Variants in PTPRK observed in about 807,000 individuals in gnomAD.
PTPRK encodes protein tyrosine phosphatase receptor type K, also known as receptor-type tyrosine-protein phosphatase kappa.
In PTPRK, 75 loss-of-function variants were observed where a neutral mutation model predicts 178.0. The observed-to-expected ratio is 0.42, with a 90% CI of 0.35 to 0.51. The LOEUF (loss-of-function observed/expected upper bound fraction) is 0.51, where lower values mean the gene tolerates loss of function less well. Among genes scored for constraint, PTPRK ranks in the 20% least tolerant of loss-of-function variants. PTPRK has a pLI of 0.02. For missense variants in PTPRK, 1,441 were observed against 1,797.8 expected (o/e 0.80, Z 3.59); for synonymous variants, 637 against 620.6 (o/e 1.03, Z -0.39).
intron 7 of PTPRK, among the ~76,000 whole-genome samples, chr6:128,101,027 A>T (rs1788683259): frequency 6.6e-6 from 1 of 152,032 alleles, no homozygotes; most frequent in Admixed American, 6.5e-5. Context: ...AACCTAGAAG[A>T]CTGGTTTCCT....
intron 2 of PTPRK, among the ~76,000 whole-genome samples, chr6:128,369,841 C>T (rs1836018191): frequency 6.6e-6 from 1 of 151,848 alleles, no homozygotes; most frequent in African/African-American, 2.4e-5. Context: ...CACTTTGTTC[C>T]AATGATGGGA....
intron 6 of PTPRK, among the ~76,000 whole-genome samples, chr6:128,191,169 CTATT>C (rs1277221247): frequency 6.6e-6 from 1 of 152,086 alleles, no homozygotes; most frequent in Non-Finnish European, 1.5e-5. Context: ...AATAAAGTAT[CTATT>C]TAATGGGATA....
chr6:128,310,154 A>C (rs1343855774), intron 3 of PTPRK, among the ~76,000 whole-genome samples: 2 of 152,172 alleles, frequency 1.3e-5, no homozygotes, highest in Non-Finnish European at 1.5e-5. Flanking sequence ...GGGGAAGTAG[A>C]TTGTGCCTTC....
At chr6:128,255,007 T>A (rs1305804577) in intron 3 of PTPRK, among the ~76,000 whole-genome samples, 1 of 152,206 alleles carries the variant, frequency 6.6e-6, no homozygotes, top group Non-Finnish European at 1.5e-5. Context: ...TTTGTTTTTC[T>A]TGAGCCAGAG....
At chr6:128,001,818 C>G (rs1246942907) in intron 15 of PTPRK, among the ~76,000 whole-genome samples, 1 of 151,882 alleles carries the variant, frequency 6.6e-6, no homozygotes, top group Non-Finnish European at 1.5e-5. Context: ...AAACTTTTAA[C>G]ATTTAGGCAA....
intron 7 of PTPRK, among the ~76,000 whole-genome samples, chr6:128,121,822 TA>T (rs1792518448): frequency 6.6e-6 from 1 of 152,078 alleles, no homozygotes; most frequent in Admixed American, 6.6e-5. Context: ...CTCTCCTGTT[TA>T]AGTTTCACTT....
chr6:128,505,559 C>A lies in PTPRK; in HGVS notation c.100+14700G>T, dbSNP rs570892492. Among the ~76,000 whole-genome samples, 6 of 152,240 alleles carry A rather than the reference C, an allele frequency of 3.9e-5. No individual in the cohort carries two copies. In the East Asian group the frequency reaches 1.2e-3, roughly 30 times the overall value. On this transcript the variant is annotated intron_variant, in intron 1 of 29. Coordinates refer to ENST00000368226, the MANE Select transcript of PTPRK (RefSeq NM_002844.4). ...TTAGTAGGAGCATCCAGTCAGAACACAAAGTTGCAAATATTGTAAGGACAT... is the reference window on the plus strand; with the variant it reads ...TTAGTAGGAGCATCCAGTCAGAACAAAAAGTTGCAAATATTGTAAGGACAT...
rs747334195 is a variant in PTPRK at position 128,262,857 on chromosome 6, C to CAAAAAAAA, written c.496-20263_496-20256dup. Among the ~76,000 whole-genome samples the CAAAAAAAA allele has an allele frequency of 5.6e-4, 42 of 75,068 alleles. 1 individual carries two copies. Among genetic ancestry groups the CAAAAAAAA allele is most frequent in the African/African-American group, 2.0e-3 (40 of 19,664 alleles). The allele number at this position is 75,068 out of a possible 152,430, so 49.2% of individuals were successfully genotyped here. A position where few individuals can be genotyped will look rare whatever the true frequency, so the allele number is the denominator to read the frequency against. On this transcript the variant is annotated intron_variant, in intron 3 of 29. Coordinates refer to ENST00000368226, the MANE Select transcript of PTPRK (RefSeq NM_002844.4). ...TTTAGGTGGGTCCAAAACCAATAAC[C>CAAAAAAAA]AAAAAAAAAAAAAAAAAAGTCTAAG...
chr6:128,235,870 T>A (rs1813158927), intron 5 of PTPRK, among the ~76,000 whole-genome samples: 1 of 152,116 alleles, frequency 6.6e-6, no homozygotes, highest in South Asian at 2.1e-4. Context: ...CTTATTCTCA[T>A]TATGAGTTAT....
At chr6:128,491,877 A>G (rs754284068) in intron 1 of PTPRK, 4 of 491,530 alleles carry the variant, frequency 8.1e-6, no homozygotes, top group South Asian at 5.9e-5. Flanking sequence ...TTGGTAACTA[A>G]CAGGCTAATC....
intron 21 of PTPRK, 56 bp downstream of exon 21, chr6:127,990,713 T>G (rs1295659602): frequency 8.7e-7 from 1 of 1,147,410 alleles, no homozygotes; most frequent in Non-Finnish European, 1.3e-6. Flanking sequence ...GCAAAGATTT[T>G]AAGAGAAAAA....
At chr6:128,288,687 T>C (rs950339842) in intron 3 of PTPRK, among the ~76,000 whole-genome samples, 2 of 152,286 alleles carry the variant, frequency 1.3e-5, no homozygotes, top group East Asian at 1.9e-4. Flanking sequence ...AAACCTACTA[T>C]ATTAAATTAC....
intron 3 of PTPRK, among the ~76,000 whole-genome samples, chr6:128,276,435 C>T (rs1820738929): frequency 6.6e-6 from 1 of 151,876 alleles, no homozygotes; most frequent in Non-Finnish European, 1.5e-5. Context: ...ATATTAACCA[C>T]AAGAAAATTC....
chr6:128,515,879 A>G (rs1002558226), intron 1 of PTPRK, among the ~76,000 whole-genome samples: 4 of 152,210 alleles, frequency 2.6e-5, no homozygotes, highest in African/African-American at 4.8e-5. Context: ...ACTGTCTTTA[A>G]TACCAGTTTG....
At chr6:128,397,203 T>C (rs1479216806) in intron 2 of PTPRK, among the ~76,000 whole-genome samples, 2 of 152,200 alleles carry the variant, frequency 1.3e-5, no homozygotes, top group African/African-American at 2.4e-5. Context: ...ATCCAACATA[T>C]ACAATTTAAT....
intron 6 of PTPRK, among the ~76,000 whole-genome samples, chr6:128,186,854 C>T (rs1321753946): frequency 6.6e-6 from 1 of 152,102 alleles, no homozygotes; most frequent in African/African-American, 2.4e-5. Context: ...ATGTAAATGT[C>T]TTCCGAGATT....
chr6:128,340,602 G>T (rs892977856), intron 2 of PTPRK, among the ~76,000 whole-genome samples: 1 of 151,974 alleles, frequency 6.6e-6, no homozygotes, highest in Non-Finnish European at 1.5e-5. Context: ...ACTCTGCACA[G>T]ATAAATATCT....
intron 3 of PTPRK, among the ~76,000 whole-genome samples, chr6:128,244,401 A>G (rs935469824): frequency 1.3e-5 from 2 of 152,168 alleles, no homozygotes; most frequent in African/African-American, 4.8e-5. Flanking sequence ...ATAAGAGAAG[A>G]AAACTACTGG....
intron 7 of PTPRK, among the ~76,000 whole-genome samples, chr6:128,123,688 C>T (rs1468512011): frequency 6.6e-6 from 1 of 152,132 alleles, no homozygotes; most frequent in Non-Finnish European, 1.5e-5. Flanking sequence ...GTTCCAGGTT[C>T]CCAACCAAGA....
Sources: allele counts gnomAD v4.1 joint callset (sites outside exome capture counted in the v4.1 genomes callset), GRCh38; gene constraint gnomAD v4.1.1; transcripts MANE v1.5; gene names NCBI Gene and HGNC (gene_info 2026-07-23, HGNC 2026-07-21).